UTY: variants seen among roughly 807,000 people sequenced by gnomAD.
The protein encoded by UTY is ubiquitously transcribed tetratricopeptide repeat containing, Y-linked.
A neutral mutation model predicts 32.5 loss-of-function variants in UTY; 12 were observed. That is an observed-to-expected ratio of 0.37 (90% CI 0.24 to 0.60). UTY has a LOEUF of 0.60. Ranked by LOEUF, UTY falls within the 20% of genes least tolerant of loss-of-function variation. The pLI is 0.69. For missense variants in UTY, 303 were observed against 299.2 expected (o/e 1.01, Z -0.09); for synonymous variants, 131 against 103.4 (o/e 1.27, Z -1.62).
chrY:13,314,686 C>T, intron 21 of UTY, among the ~76,000 whole-genome samples: 2 of 33,486 alleles, frequency 6.0e-5, no homozygotes. Flanking sequence ...GGATCACATA[C>T]AAAATTAACT....
At position 13,248,511 on chromosome Y, in the gene UTY, C is replaced by G; in HGVS notation, c.*1345G>C. On this transcript the variant is annotated 3_prime_UTR_variant, in exon 30 of 30. Transcript: ENST00000545955. Reference sequence around the variant, plus strand: ...TATAGATTTTTTAATACTTTCCTCCCCTTCACCCCAAACCATGTTGTACAA... The same window carrying G: ...TATAGATTTTTTAATACTTTCCTCCGCTTCACCCCAAACCATGTTGTACAA... 1 of 36,385 alleles carries G rather than the reference C, an allele frequency of 2.7e-5. No homozygotes were observed. Among genetic ancestry groups the G allele is most frequent in the African/African-American group, 1.2e-4 (1 of 8,472 alleles). The allele number at this position is 36,385 out of a possible 400,897, so 9.1% of individuals were successfully genotyped here.
At chrY:13,475,168 T>C (rs2078919259) in intron 2 of UTY, among the ~76,000 whole-genome samples, 1 of 33,883 alleles carries the variant, frequency 3.0e-5, no homozygotes, top group Non-Finnish European at 7.3e-5. Context: ...GTTCCGGTGT[T>C]AGTCATCCTA....
intron 5 of UTY, among the ~76,000 whole-genome samples, chrY:13,412,183 C>T (rs776161230): frequency 1.2e-4 from 4 of 33,511 alleles, no homozygotes; most frequent in Admixed American, 8.1e-4. Flanking sequence ...AAAATAAATA[C>T]GAGGGCAAAA....
chrY:13,255,808 C>T (rs2054677247), intron 28 of UTY, among the ~76,000 whole-genome samples: 1 of 33,821 alleles, frequency 3.0e-5, no homozygotes, highest in African/African-American at 1.2e-4. Context: ...GCAGCCTAAG[C>T]GTTATCACTG....
chrY:13,264,158 T>C lies in UTY; in HGVS notation c.4011-3754A>G, dbSNP rs1603267664. On this transcript the variant is annotated intron_variant, in intron 27 of 29. Coordinates refer to ENST00000545955, the MANE Select transcript of UTY (RefSeq NM_001258249.2). ...TTCATGGTGTGTATGTGCCACGTTT[T>C]CTTTATCCAGACTATTATTGATGGG... Among the ~76,000 whole-genome samples, 4 of 34,266 alleles carry C rather than the reference T, an allele frequency of 1.2e-4. No homozygotes were observed. The East Asian group carries it at 3.0e-3, about 26-fold the overall frequency. 91.9% of individuals were successfully genotyped at this position (34,266 alleles called of 37,273 possible). A position where few individuals can be genotyped will look rare whatever the true frequency, so the allele number is the denominator to read the frequency against.
intron 28 of UTY, among the ~76,000 whole-genome samples, chrY:13,242,905 C>T: frequency 3.1e-5 from 1 of 32,684 alleles, no homozygotes. Context: ...ATTGTAGGTC[C>T]AAATGCAATA....
intron 4 of UTY, among the ~76,000 whole-genome samples, chrY:13,424,819 A>C: frequency 2.9e-5 from 1 of 34,103 alleles, no homozygotes; most frequent in Non-Finnish European, 7.3e-5. Context: ...ACATAGGAAA[A>C]GCTAACAAAA....
In UTY at chrY:13,302,973, T is replaced by C; in HGVS notation, c.3584A>G (p.Asn1195Ser). 7.9e-6 allele frequency: 3 copies of C among 378,963 alleles called. No individual in the cohort carries two copies. Among genetic ancestry groups the C allele is most frequent in the South Asian group, 3.2e-5 (1 of 31,283 alleles). The allele number at this position is 378,963 out of a possible 400,897, so 94.5% of individuals were successfully genotyped here. The change falls in exon 25 of 30, where the codon AAC becomes AGC. Residue 1195 changes from asparagine (N) to serine (S), a missense_variant. Physicochemically the swap from Asn to Ser is conservative, Grantham distance 46 (BLOSUM62 1). Transcript: ENST00000545955. ...SRTPGHQENNNFCSVNINIGP... is the reference protein window; with the variant it reads ...SRTPGHQENNSFCSVNINIGP... ...AATATTTATGTTAACAGAGCAGAAG[T>C]TGTTATTTTCTTGGTGACCTGAAAA... is the stretch of plus-strand genomic sequence containing the variant.
intron 21 of UTY, among the ~76,000 whole-genome samples, chrY:13,313,174 G>T (rs1040387269): frequency 1.2e-4 from 4 of 33,591 alleles, no homozygotes; most frequent in Non-Finnish European, 2.2e-4. Context: ...TGAACAGGCA[G>T]GCCTCCATCA....
At chrY:13,409,332 T>C (rs2070551932) in intron 6 of UTY, among the ~76,000 whole-genome samples, 1 of 33,773 alleles carries the variant, frequency 3.0e-5, no homozygotes, top group Non-Finnish European at 7.4e-5. Context: ...TAGGGACTCC[T>C]CAGCTCCACT....
chrY:13,280,038 A>G, intron 27 of UTY, among the ~76,000 whole-genome samples: 1 of 33,554 alleles, frequency 3.0e-5, no homozygotes, highest in African/African-American at 1.2e-4. Context: ...AAAAAGATTA[A>G]AGCACACCTA....
At chrY:13,332,831 A>G in intron 18 of UTY, among the ~76,000 whole-genome samples, 1 of 33,473 alleles carries the variant, frequency 3.0e-5, no homozygotes, top group Non-Finnish European at 7.4e-5. Flanking sequence ...ATGATTGTAT[A>G]TTTAGAAAAC....
chrY:13,243,244 C>CAAAAT (rs2053922636), intron 28 of UTY, among the ~76,000 whole-genome samples: 1 of 28,395 alleles, frequency 3.5e-5, no homozygotes, highest in African/African-American at 1.4e-4. Flanking sequence ...TCAAAAAATA[C>CAAAAT]AAAATAAAAT....
At chrY:13,255,812 AT>A (rs2054679285) in intron 28 of UTY, among the ~76,000 whole-genome samples, 1 of 34,102 alleles carries the variant, frequency 2.9e-5, no homozygotes, top group Non-Finnish European at 7.3e-5. Flanking sequence ...CCTAAGCGTT[AT>A]CACTGGAAAG....
chrY:13,297,786 G>C lies in UTY; in HGVS notation c.3931C>G (p.Pro1311Ala). ...CAGGAAAGATGCACCATGGGTACTG[G>C]TGACTTCACACTTTTCAATTTGTTC... is the stretch of plus-strand genomic sequence containing the variant. Reference protein sequence around the residue: ...EWNKLKSVKSPVPMVHLSWNM... With the variant: ...EWNKLKSVKSAVPMVHLSWNM... Residue 1311 changes from proline to alanine, a missense_variant, in exon 27 of 30, where the codon CCA becomes GCA. By Grantham distance (27) the Pro-to-Ala change is conservative. Coordinates refer to ENST00000545955, the MANE Select transcript of UTY (RefSeq NM_001258249.2). 2.5e-6 allele frequency: 1 copy of C among 396,358 alleles called. No individual in the cohort carries two copies. The highest frequency in any genetic ancestry group is 3.5e-6 in the Non-Finnish European group (1 of 282,953).
chrY:13,242,431 A>G, intron 28 of UTY, among the ~76,000 whole-genome samples: 1 of 33,684 alleles, frequency 3.0e-5, no homozygotes, highest in African/African-American at 1.2e-4. Flanking sequence ...CCAAACCAGA[A>G]AACACACAAC....
chrY:13,447,052 G>C, intron 4 of UTY, among the ~76,000 whole-genome samples: 1 of 32,175 alleles, frequency 3.1e-5, no homozygotes, highest in Non-Finnish European at 7.6e-5. Flanking sequence ...GTGCCATGGT[G>C]GATTGCTGCA....
chrY:13,422,368 C>T (rs2072685344), intron 4 of UTY, among the ~76,000 whole-genome samples: 1 of 33,184 alleles, frequency 3.0e-5, no homozygotes, highest in Non-Finnish European at 7.4e-5. Context: ...CTTCAACCCT[C>T]GCCATGAGAA....
intron 18 of UTY, among the ~76,000 whole-genome samples, chrY:13,328,896 T>C (rs2060454112): frequency 1.2e-4 from 4 of 33,763 alleles, no homozygotes; most frequent in Non-Finnish European, 2.9e-4. Flanking sequence ...CAAAATGAGA[T>C]AGATTAAAAT....
Sources: allele counts gnomAD v4.1 joint callset (sites outside exome capture counted in the v4.1 genomes callset), GRCh38; gene constraint gnomAD v4.1.1; transcripts MANE v1.5; gene names NCBI Gene and HGNC (gene_info 2026-07-23, HGNC 2026-07-21).